The following GALNT16 variants were observed in gnomAD, a reference collection of about 807,000 sequenced individuals.
GALNT16 encodes UDP-GalNAc:polypeptide N-acetylgalactosaminyltransferase-like protein 1.
A neutral mutation model predicts 76.1 loss-of-function variants in GALNT16; 40 were observed. The observed-to-expected ratio is 0.53, with a 90% CI of 0.41 to 0.68. The LOEUF (loss-of-function observed/expected upper bound fraction) is 0.68. Among genes scored for constraint, GALNT16 ranks in the 30% least tolerant of loss-of-function variants. GALNT16 has a pLI of 0.00. For synonymous variants in GALNT16, 276 were observed against 285.2 expected, an observed-to-expected ratio of 0.97 and a Z score of 0.32; for missense variants, 621 against 731.9, an observed-to-expected ratio of 0.85 and a Z score of 1.75.
intron 1 of GALNT16, among the ~76,000 whole-genome samples, chr14:69,284,927 G>A (rs1168479131): frequency 6.6e-6 from 1 of 151,930 alleles, no homozygotes; most frequent in Non-Finnish European, 1.5e-5. Flanking sequence ...TGTGAAGGAC[G>A]TGTTTGCTTC....
the GALNT16 span, chr14:69,380,358 G>A: frequency 4.8e-6 from 2 of 420,966 alleles, no homozygotes; most frequent in Non-Finnish European, 8.4e-6. Context: ...GAAAGAAAAA[G>A]AGGAGGTAAC....
chr14:69,314,111 C>T (rs574880339), intron 1 of GALNT16, among the ~76,000 whole-genome samples: 16 of 152,330 alleles, frequency 1.1e-4, no homozygotes, highest in African/African-American at 3.8e-4. Flanking sequence ...GGCTTTTTGC[C>T]ATCTTCCCAC....
intron 3 of GALNT16, among the ~76,000 whole-genome samples, chr14:69,325,109 G>A (rs2045262007): frequency 6.6e-6 from 1 of 152,200 alleles, no homozygotes. Flanking sequence ...GTCAGAGAGA[G>A]GTGGATTGGA....
At chr14:69,344,781 G>A (rs1372584358) in intron 12 of GALNT16, among the ~76,000 whole-genome samples, 2 of 152,152 alleles carry the variant, frequency 1.3e-5, no homozygotes, top group Non-Finnish European at 2.9e-5. Context: ...ACAACCCCTG[G>A]CCCTCGTGCT....
rs550794663 is a variant in GALNT16, at chr14:69,322,497, G to A, written c.335+1629G>A. Among the ~76,000 whole-genome samples the A allele has an allele frequency of 2.0e-5, 3 of 152,344 alleles. No homozygotes were observed. The South Asian group carries it at 6.2e-4, about 32-fold the overall frequency. ...GTGCTCACTGAGAAACTTAAAGGGG[G>A]AATTGCCCTGGGGGCTATGTACATT... On this transcript the variant is annotated intron_variant, in intron 2 of 14. Transcript: ENST00000448469.
intron 1 of GALNT16, among the ~76,000 whole-genome samples, chr14:69,312,906 A>G (rs1032587736): frequency 4.7e-4 from 72 of 152,346 alleles, no homozygotes; most frequent in Admixed American, 2.1e-3. Flanking sequence ...CATCTGAGCC[A>G]CAAGCTGGTC....
intron 12 of GALNT16, among the ~76,000 whole-genome samples, chr14:69,346,710 G>T (rs1436214157): frequency 6.6e-6 from 1 of 152,208 alleles, no homozygotes; most frequent in African/African-American, 2.4e-5. Context: ...TTTGGCCCCA[G>T]GCTCTCCTGA....
chr14:69,288,152 G>A (rs1275322095), intron 1 of GALNT16, among the ~76,000 whole-genome samples: 1 of 152,222 alleles, frequency 6.6e-6, no homozygotes, highest in Non-Finnish European at 1.5e-5. Context: ...GACCTGGACA[G>A]CCGCCTAGTG....
the GALNT16 span, among the ~76,000 whole-genome samples, chr14:69,362,693 A>T: frequency 6.6e-6 from 1 of 152,258 alleles, no homozygotes; most frequent in Non-Finnish European, 1.5e-5. Flanking sequence ...GTCTGTCATC[A>T]GGTCTTGTAA....
chr14:69,341,909 T>A (rs575711804), intron 12 of GALNT16, 145 bp downstream of exon 12: 31 of 642,870 alleles, frequency 4.8e-5, no homozygotes, highest in Non-Finnish European at 7.4e-5. Flanking sequence ...ACGTGACGGC[T>A]GTGGGGGAAC....
chr14:69,284,031 T>C (rs1386990597), intron 1 of GALNT16, among the ~76,000 whole-genome samples: 1 of 152,176 alleles, frequency 6.6e-6, no homozygotes, highest in African/African-American at 2.4e-5. Flanking sequence ...GGCTCATCCT[T>C]ACCCATCCTG....
chr14:69,369,039 CCTGAG>C, the GALNT16 span, among the ~76,000 whole-genome samples: 1 of 152,170 alleles, frequency 6.6e-6, no homozygotes, highest in African/African-American at 2.4e-5. Context: ...ACTCTTGTTG[CCTGAG>C]CTAAGTCAGG....
chr14:69,385,572 TAAAAA>T, the GALNT16 span, among the ~76,000 whole-genome samples: 13 of 149,674 alleles, frequency 8.7e-5, no homozygotes, highest in South Asian at 1.7e-3. Flanking sequence ...TTTTCCCACT[TAAAAA>T]AAAGCAATTT....
rs184112482 is a variant in GALNT16, at chr14:69,341,404, G to T, written c.1188-277G>T. On this transcript the variant is annotated intron_variant, in intron 11 of 14. Coordinates refer to ENST00000448469, the MANE Select transcript of GALNT16 (RefSeq NM_001168368.2). ...CAGAGGTCTTAAGGAGTGAGAAGCC[G>T]AGAGAAAGGCATGGTCCCGTATGGT... Among the ~76,000 whole-genome samples, 28 of 152,374 alleles carry T rather than the reference G, an allele frequency of 1.8e-4. 1 individual carries two copies. The highest frequency in any genetic ancestry group is 6.8e-3 in the Middle Eastern group (2 of 294).
At chr14:69,320,496 G>GA (rs140474492) in intron 1 of GALNT16, among the ~76,000 whole-genome samples, 24,673 of 134,812 alleles carry the variant, frequency 0.18, 2,744 homozygotes, top group East Asian at 0.44. Flanking sequence ...TCAAAAAAAA[G>GA]AAAAAAAAAA....
At chr14:69,314,190 TAATAAC>T (rs1223381741) in intron 1 of GALNT16, among the ~76,000 whole-genome samples, 1 of 152,400 alleles carries the variant, frequency 6.6e-6, no homozygotes, top group African/African-American at 2.4e-5. Flanking sequence ...TAATAATAGT[TAATAAC>T]AATTCGTTAG....
intron 1 of GALNT16, among the ~76,000 whole-genome samples, chr14:69,317,200 A>G (rs1255283316): frequency 2.0e-5 from 3 of 152,184 alleles, no homozygotes; most frequent in Non-Finnish European, 4.4e-5. Flanking sequence ...CCAAGTGCCA[A>G]ATGATGCATT....
At chr14:69,319,722 A>T (rs764727096) in intron 1 of GALNT16, among the ~76,000 whole-genome samples, 4 of 152,224 alleles carry the variant, frequency 2.6e-5, no homozygotes, top group Non-Finnish European at 5.9e-5. Flanking sequence ...GGGATGGGCA[A>T]TGGCATCTGC....
At chr14:69,329,657 A>G (rs1285589725) in intron 6 of GALNT16, among the ~76,000 whole-genome samples, 1 of 152,146 alleles carries the variant, frequency 6.6e-6, no homozygotes, top group South Asian at 2.1e-4. Flanking sequence ...CTCACGTTGT[A>G]CAAGCATGGC....
Sources: allele counts gnomAD v4.1 joint callset (sites outside exome capture counted in the v4.1 genomes callset), GRCh38; gene constraint gnomAD v4.1.1; transcripts MANE v1.5; gene names NCBI Gene and HGNC (gene_info 2026-07-23, HGNC 2026-07-21).